The following GRIK1 variants were observed in gnomAD, a reference collection of about 807,000 sequenced individuals.
GRIK1 encodes glutamate receptor ionotropic, kainate 1.
A neutral mutation model predicts 105.7 loss-of-function variants in GRIK1; 69 were observed. The ratio of observed to expected loss-of-function variants is 0.65; its 90% confidence interval spans 0.54 to 0.80. GRIK1 has a LOEUF of 0.80. Ranked by LOEUF, GRIK1 falls within the 30% of genes least tolerant of loss-of-function variation. The pLI is 0.00. For synonymous variants in GRIK1, 438 were observed against 431.3 expected, an observed-to-expected ratio of 1.02 and a Z score of -0.19; for missense variants, 1,109 against 1,167.3, an observed-to-expected ratio of 0.95 and a Z score of 0.73.
chr21:29,661,517 A>G (rs970542535), intron 4 of GRIK1, among the ~76,000 whole-genome samples: 1 of 152,164 alleles, frequency 6.6e-6, no homozygotes, highest in Non-Finnish European at 1.5e-5. Context: ...GGGCCACAAG[A>G]CAAGGAATGA....
chr21:29,821,499 C>T (rs1467454472), intron 1 of GRIK1, among the ~76,000 whole-genome samples: 1 of 151,994 alleles, frequency 6.6e-6, no homozygotes, highest in Non-Finnish European at 1.5e-5. Flanking sequence ...ATGAAAAACA[C>T]ATGAGAACCA....
At chr21:29,731,650 G>A (rs1444323494) in intron 1 of GRIK1, among the ~76,000 whole-genome samples, 2 of 152,134 alleles carry the variant, frequency 1.3e-5, no homozygotes, top group Non-Finnish European at 2.9e-5. Flanking sequence ...GATGTCTGTG[G>A]TGTTGGCTAT....
chr21:29,829,852 T>C (rs1171857773), intron 1 of GRIK1, among the ~76,000 whole-genome samples: 1 of 152,120 alleles, frequency 6.6e-6, no homozygotes, highest in African/African-American at 2.4e-5. Context: ...AATAGAAACA[T>C]TTTCACAGAG....
chr21:29,654,714 A>C, intron 5 of GRIK1, 96 bp downstream of exon 5: 1 of 777,760 alleles, frequency 1.3e-6, no homozygotes. Flanking sequence ...TCTCCATGAC[A>C]ATATCCTGCC....
intron 15 of GRIK1, among the ~76,000 whole-genome samples, chr21:29,561,229 G>A (rs2090472087): frequency 6.6e-6 from 1 of 152,126 alleles, no homozygotes; most frequent in East Asian, 1.9e-4. Flanking sequence ...TCTCACTTTT[G>A]CTGTCCATAT....
chr21:29,679,500 C>CTAGCTCTA (rs1370550209), intron 3 of GRIK1, among the ~76,000 whole-genome samples: 1 of 152,168 alleles, frequency 6.6e-6, no homozygotes, highest in Non-Finnish European at 1.5e-5. Flanking sequence ...GATCCATTTT[C>CTAGCTCTA]TAGACTCTAG....
chr21:29,888,104 T>G (rs1274142701), intron 1 of GRIK1, among the ~76,000 whole-genome samples: 1 of 151,464 alleles, frequency 6.6e-6, no homozygotes, highest in African/African-American at 2.4e-5. Context: ...AAGCCTGCAC[T>G]CCTTGCCTCC....
chr21:29,902,477 A>G, intron 1 of GRIK1, among the ~76,000 whole-genome samples: 1 of 152,220 alleles, frequency 6.6e-6, no homozygotes, highest in African/African-American at 2.4e-5. Context: ...ATGTGCAAAA[A>G]TCACAAGCAT....
intron 16 of GRIK1, chr21:29,553,296 AGAT>A (rs2090167938): frequency 1.9e-6 from 2 of 1,078,662 alleles, no homozygotes; most frequent in Non-Finnish European, 1.1e-6. Flanking sequence ...GATAGAACTA[AGAT>A]GATGAGTGGG....
intron 1 of GRIK1, among the ~76,000 whole-genome samples, chr21:29,727,105 C>T (rs1569020750): frequency 6.6e-6 from 1 of 151,608 alleles, no homozygotes; most frequent in Non-Finnish European, 1.5e-5. Context: ...TTTGTATTTT[C>T]GGTAGAGATG....
At chr21:29,665,527 T>G (rs2063042737) in intron 4 of GRIK1, among the ~76,000 whole-genome samples, 2 of 152,234 alleles carry the variant, frequency 1.3e-5, no homozygotes, top group African/African-American at 4.8e-5. Context: ...GCTCAAAGAC[T>G]ATCAAAGGAC....
At chr21:29,766,031 T>A (rs1249227978) in intron 1 of GRIK1, among the ~76,000 whole-genome samples, 1 of 151,998 alleles carries the variant, frequency 6.6e-6, no homozygotes, top group Non-Finnish European at 1.5e-5. Flanking sequence ...TTTTGTATTT[T>A]TAGTAGAGAC....
intron 7 of GRIK1, among the ~76,000 whole-genome samples, chr21:29,609,149 ATATAT>A (rs1270503902): frequency 6.7e-6 from 1 of 150,306 alleles, no homozygotes; most frequent in African/African-American, 2.4e-5. Context: ...TAAGATAATA[ATATAT>A]TATCTTTTAA....
intron 7 of GRIK1, among the ~76,000 whole-genome samples, chr21:29,638,909 C>T (rs545796133): frequency 6.6e-6 from 1 of 152,276 alleles, no homozygotes; most frequent in East Asian, 1.9e-4. Flanking sequence ...ATGGTGTGGG[C>T]ATTTTATTAC....
chr21:29,708,227 G>A (rs2146801430), intron 1 of GRIK1, among the ~76,000 whole-genome samples: 1 of 152,260 alleles, frequency 6.6e-6, no homozygotes, highest in Non-Finnish European at 1.5e-5. Context: ...TGATTACTGA[G>A]TAGTTTAATT....
rs541709076 is a variant in GRIK1 at position 29,623,183 on chromosome 21, C to T, written c.1098+19643G>A. On this transcript the variant is annotated intron_variant, in intron 7 of 17. Coordinates refer to ENST00000327783, the MANE Select transcript of GRIK1 (RefSeq NM_001330994.2). ...AGAAAATGAAGAAAGAGCAAAGGAA[C>T]ATCTTATATGGCAGCAGGCAAGAGC... 5.9e-5 allele frequency among the ~76,000 whole-genome samples: 9 copies of T among 152,232 alleles called. No homozygotes were observed. The South Asian group carries it at 1.9e-3, about 32-fold the overall frequency.
intron 1 of GRIK1, among the ~76,000 whole-genome samples, chr21:29,801,697 A>G (rs2066715469): frequency 6.6e-6 from 1 of 152,220 alleles, no homozygotes. Flanking sequence ...ATTGAAAACT[A>G]TATGTATATA....
intron 2 of GRIK1, among the ~76,000 whole-genome samples, chr21:29,692,479 G>A (rs1568981041): frequency 6.6e-6 from 1 of 152,164 alleles, no homozygotes; most frequent in East Asian, 1.9e-4. Flanking sequence ...AGACAATTTT[G>A]ACCCATATGA....
chr21:29,551,818 CTT>C (rs2090141076), intron 16 of GRIK1, among the ~76,000 whole-genome samples: 1 of 152,026 alleles, frequency 6.6e-6, no homozygotes, highest in Non-Finnish European at 1.5e-5. Flanking sequence ...GGAGAGTAAA[CTT>C]AGGAAATTTG....
Sources: allele counts gnomAD v4.1 joint callset (sites outside exome capture counted in the v4.1 genomes callset), GRCh38; gene constraint gnomAD v4.1.1; transcripts MANE v1.5; gene names NCBI Gene and HGNC (gene_info 2026-07-23, HGNC 2026-07-21).